CFAP263: variants seen among roughly 807,000 people sequenced by gnomAD.
The protein encoded by CFAP263 is cilia and flagella associated protein 263, also known as cilia- and flagella-associated protein 263.
chr16:58,262,428 A>G, the CFAP263 span: 1 of 1,613,222 alleles, frequency 6.2e-7, no homozygotes, highest in Non-Finnish European at 8.5e-7. Context: ...GATTTTCAGC[A>G]GTTGAAGATA....
the CFAP263 span, among the ~76,000 whole-genome samples, chr16:58,258,166 T>TA: frequency 1.5e-3 from 233 of 152,230 alleles, 1 homozygote; most frequent in Admixed American, 4.2e-3. Context: ...GCTCTCTTTT[T>TA]ATGGATTCTA....
the CFAP263 span, among the ~76,000 whole-genome samples, chr16:58,279,333 A>G: frequency 6.6e-6 from 1 of 152,136 alleles, no homozygotes; most frequent in Non-Finnish European, 1.5e-5. Flanking sequence ...TTCCTGTGTT[A>G]CTTTGTCCTG....
the CFAP263 span, chr16:58,282,016 T>G: frequency 6.7e-6 from 1 of 150,290 alleles, no homozygotes; most frequent in African/African-American, 2.5e-5. Context: ...CTAATTTTTT[T>G]TTTTTTTTTT....
chr16:58,252,399 T>C, the CFAP263 span, among the ~76,000 whole-genome samples: 36 of 151,626 alleles, frequency 2.4e-4, no homozygotes, highest in African/African-American at 8.7e-4. Context: ...AGAAATAATC[T>C]CCCACATGGG....
chr16:58,278,957 A>G, the CFAP263 span, among the ~76,000 whole-genome samples: 1 of 152,118 alleles, frequency 6.6e-6, no homozygotes, highest in Non-Finnish European at 1.5e-5. Flanking sequence ...AGTGATTGCT[A>G]CTTTATACAT....
the CFAP263 span, among the ~76,000 whole-genome samples, chr16:58,264,198 C>CTG: frequency 6.6e-6 from 1 of 152,296 alleles, no homozygotes; most frequent in Admixed American, 6.5e-5. Context: ...AAGCCAGTTC[C>CTG]TGTGACTTCC....
chr16:58,276,283 T>C, the CFAP263 span, among the ~76,000 whole-genome samples: 5 of 152,354 alleles, frequency 3.3e-5, no homozygotes, highest in East Asian at 7.7e-4. Flanking sequence ...AAAGAGTCGA[T>C]AAAACTGTAG....
chr16:58,262,368 A>G, the CFAP263 span: 7 of 1,585,794 alleles, frequency 4.4e-6, no homozygotes, highest in Non-Finnish European at 6.0e-6. Context: ...CTTTTCTTTC[A>G]TCTTTCTGAG....
the CFAP263 span, among the ~76,000 whole-genome samples, chr16:58,255,587 T>TG: frequency 2.0e-5 from 3 of 150,986 alleles, no homozygotes; most frequent in South Asian, 2.1e-4. Flanking sequence ...TTTTTTTTTT[T>TG]GGGATGGAGT....
At chr16:58,262,749 T>C in the CFAP263 span, among the ~76,000 whole-genome samples, 1 of 148,034 alleles carries the variant, frequency 6.8e-6, no homozygotes, top group Non-Finnish European at 1.5e-5. Context: ...AACAAACATA[T>C]AGATAGATGA....
the CFAP263 span, chr16:58,282,890 T>C: frequency 6.6e-6 from 1 of 152,338 alleles, no homozygotes; most frequent in Non-Finnish European, 1.5e-5. Flanking sequence ...TCCTCAGCTA[T>C]GGCGTGGTTT....
the CFAP263 span, chr16:58,267,505 A>G: frequency 6.2e-6 from 10 of 1,613,754 alleles, no homozygotes; most frequent in Non-Finnish European, 8.5e-6. Context: ...CAATGGAAAT[A>G]TACCTCAATC....
chr16:58,283,764 T>A, the CFAP263 span: 1 of 152,144 alleles, frequency 6.6e-6, no homozygotes, highest in Non-Finnish European at 1.5e-5. Context: ...TACACCAACT[T>A]TGGAAGGGCA....
the CFAP263 span, among the ~76,000 whole-genome samples, chr16:58,252,415 T>A: frequency 1.3e-5 from 2 of 151,952 alleles, no homozygotes; most frequent in East Asian, 3.9e-4. Flanking sequence ...ATGGGTTCAA[T>A]GATACTTGAA....
At chr16:58,277,534 T>C in the CFAP263 span, among the ~76,000 whole-genome samples, 1 of 152,208 alleles carries the variant, frequency 6.6e-6, no homozygotes, top group Non-Finnish European at 1.5e-5. Context: ...CGAAATTGAA[T>C]TACCATAGCT....
At chr16:58,266,211 T>A in the CFAP263 span, among the ~76,000 whole-genome samples, 1 of 151,590 alleles carries the variant, frequency 6.6e-6, no homozygotes, top group Admixed American at 6.6e-5. Context: ...GCAATGCCCT[T>A]GCCCCCTCCT....
At chr16:58,274,191 G>A in the CFAP263 span, among the ~76,000 whole-genome samples, 2 of 152,224 alleles carry the variant, frequency 1.3e-5, no homozygotes, top group Non-Finnish European at 2.9e-5. Flanking sequence ...TTTGAGGCTT[G>A]CTCCAACTCT....
the CFAP263 span, chr16:58,279,706 C>T: frequency 6.2e-7 from 1 of 1,608,786 alleles, no homozygotes; most frequent in Non-Finnish European, 8.5e-7. Context: ...CTTAAAAGGC[C>T]ATCGTAAGGC....
chr16:58,250,025 A>T, the CFAP263 span: 1 of 1,592,560 alleles, frequency 6.3e-7, no homozygotes, highest in Non-Finnish European at 8.6e-7. Flanking sequence ...ATGACTGATG[A>T]TGAGTCCGAG....
Sources: gnomAD v4.1 joint callset for allele counts (sites outside exome capture counted in the v4.1 genomes callset) on GRCh38, gnomAD v4.1.1 for gene constraint, MANE v1.5 for transcripts, NCBI Gene and HGNC (gene_info 2026-07-23, HGNC 2026-07-21) for gene names.